ELOVL5: variants seen among roughly 807,000 people sequenced by gnomAD.
ELOVL5 encodes ELOVL fatty acid elongase 5.
In ELOVL5, 8 loss-of-function variants were observed where a neutral mutation model predicts 38.6. The ratio of observed to expected loss-of-function variants is 0.21; its 90% CI spans 0.12 to 0.37. The LOEUF is 0.37. Ranked by LOEUF, ELOVL5 falls within the 10% of genes least tolerant of loss-of-function variation. The pLI is 1.00. For synonymous variants in ELOVL5, 127 were observed against 133.7 expected, an observed-to-expected ratio of 0.95 and a Z score of 0.34; for missense variants, 280 against 367.8, an observed-to-expected ratio of 0.76 and a Z score of 1.95.
At chr6:53,269,546 A>G (rs900932233) in intron 7 of ELOVL5, among the ~76,000 whole-genome samples, 12 of 152,102 alleles carry the variant, frequency 7.9e-5, no homozygotes, top group Non-Finnish European at 1.6e-4. Context: ...TTCAATTTAC[A>G]CTTTGCTTTG....
chr6:53,338,200 A>G (rs966402572), intron 1 of ELOVL5, among the ~76,000 whole-genome samples: 3 of 152,190 alleles, frequency 2.0e-5, no homozygotes, highest in Non-Finnish European at 4.4e-5. Flanking sequence ...TACATTTTAA[A>G]TTTAATACGC....
At chr6:53,310,600 TTTG>T (rs1242135289) in intron 1 of ELOVL5, among the ~76,000 whole-genome samples, 1 of 152,176 alleles carries the variant, frequency 6.6e-6, no homozygotes, top group Admixed American at 6.5e-5. Context: ...AGTTGATTTT[TTTG>T]TTGATGTTGT....
At chr6:53,322,568 G>T (rs1768343133) in intron 1 of ELOVL5, among the ~76,000 whole-genome samples, 1 of 152,162 alleles carries the variant, frequency 6.6e-6, no homozygotes, top group Non-Finnish European at 1.5e-5. Context: ...CCTCTTGCCT[G>T]CACTTTTCGG....
chr6:53,305,542 A>G (rs1360214705), intron 1 of ELOVL5, among the ~76,000 whole-genome samples: 1 of 139,198 alleles, frequency 7.2e-6, no homozygotes, highest in East Asian at 2.3e-4. Flanking sequence ...CCGGGCAGAG[A>G]CGCTCCTCAC....
chr6:53,284,502 A>G (rs1361512513), intron 3 of ELOVL5, among the ~76,000 whole-genome samples: 1 of 152,216 alleles, frequency 6.6e-6, no homozygotes, highest in Non-Finnish European at 1.5e-5. Context: ...TAACTTTTGA[A>G]TAAGTACAAT....
rs527238851 is a variant in ELOVL5 at position 53,307,465 on chromosome 6, C to G, written c.-8-11758G>C. ...ATGCTTAGAATAGTGTGTGGCACAG[C>G]AAGTACCGTAAAAATGTTTCTATTA... On this transcript the variant is annotated intron_variant, in intron 1 of 7. Transcript: ENST00000304434. Among the ~76,000 whole-genome samples the G allele has an allele frequency of 2.6e-5, 4 of 152,324 alleles. No individual in the cohort carries two copies. The East Asian group carries it at 7.7e-4, about 29-fold the overall frequency.
chr6:53,294,203 G>T, intron 2 of ELOVL5: 1 of 1,476,934 alleles, frequency 6.8e-7, no homozygotes, highest in South Asian at 1.4e-5. Flanking sequence ...CCGGGCACCT[G>T]ACCCGAACTC....
chr6:53,314,470 G>A (rs1366030594), intron 1 of ELOVL5, among the ~76,000 whole-genome samples: 3 of 152,200 alleles, frequency 2.0e-5, no homozygotes, highest in Non-Finnish European at 4.4e-5. Context: ...CATTCCTGGA[G>A]AAGTCAATCA....
intron 2 of ELOVL5, among the ~76,000 whole-genome samples, chr6:53,292,913 G>A (rs1323988748): frequency 6.6e-6 from 1 of 150,834 alleles, no homozygotes; most frequent in Admixed American, 6.6e-5. Flanking sequence ...AGACCTAGGC[G>A]GATCCAGAGG....
intron 1 of ELOVL5, among the ~76,000 whole-genome samples, chr6:53,320,488 A>G (rs1768258479): frequency 6.6e-6 from 1 of 151,782 alleles, no homozygotes; most frequent in Non-Finnish European, 1.5e-5. Context: ...AGCACCCACC[A>G]CCGCGCCTGG....
chr6:53,277,686 T>C (rs1341451010), intron 3 of ELOVL5: 3 of 152,268 alleles, frequency 2.0e-5, no homozygotes, highest in Non-Finnish European at 4.4e-5. Flanking sequence ...TTCTGTCTTC[T>C]ACTACTCTCT....
chr6:53,347,381 T>A (rs1465319868), intron 1 of ELOVL5, among the ~76,000 whole-genome samples: 7 of 152,178 alleles, frequency 4.6e-5, no homozygotes, highest in Non-Finnish European at 7.3e-5. Context: ...AACCCACTTG[T>A]CCCCAATCAC....
intron 6 of ELOVL5, among the ~76,000 whole-genome samples, chr6:53,272,335 C>T (rs1262547255): frequency 6.6e-6 from 1 of 152,112 alleles, no homozygotes; most frequent in African/African-American, 2.4e-5. Context: ...CAGGGCCTCA[C>T]TATGTTCCCC....
At chr6:53,327,292 A>C (rs528179332) in intron 1 of ELOVL5, among the ~76,000 whole-genome samples, 18 of 152,126 alleles carry the variant, frequency 1.2e-4, no homozygotes, top group Admixed American at 3.3e-4. Context: ...TCCAACAAGC[A>C]GAATTGATGG....
At chr6:53,342,985 A>T (rs61736359) in intron 1 of ELOVL5, among the ~76,000 whole-genome samples, 145 of 152,332 alleles carry the variant, frequency 9.5e-4, no homozygotes, top group African/African-American at 3.3e-3. Flanking sequence ...ACCATGGAGC[A>T]AACACGCCAG....
intron 1 of ELOVL5, among the ~76,000 whole-genome samples, chr6:53,315,748 C>T (rs1047333665): frequency 3.9e-5 from 6 of 152,132 alleles, no homozygotes; most frequent in East Asian, 3.9e-4. Flanking sequence ...TTTACAGGGT[C>T]GCCCAAATCC....
chr6:53,344,416 T>C (rs1033506085), intron 1 of ELOVL5, among the ~76,000 whole-genome samples: 1 of 152,194 alleles, frequency 6.6e-6, no homozygotes, highest in African/African-American at 2.4e-5. Context: ...CCCACAACAA[T>C]CCACCCTACA....
At chr6:53,340,874 CA>C (rs1011755859) in intron 1 of ELOVL5, among the ~76,000 whole-genome samples, 7 of 152,312 alleles carry the variant, frequency 4.6e-5, no homozygotes, top group Admixed American at 4.6e-4. Context: ...GGAGATCAGG[CA>C]ATCTGGAGAT....
intron 2 of ELOVL5, 26 bp from the exon 3 acceptor site, chr6:53,291,989 T>C (rs1262133280): frequency 2.9e-6 from 4 of 1,393,580 alleles, no homozygotes; most frequent in African/African-American, 1.5e-5. Context: ...AAATTAATGA[T>C]ATATAAAAAC....
Sources: allele counts gnomAD v4.1 joint callset (sites outside exome capture counted in the v4.1 genomes callset), GRCh38; gene constraint gnomAD v4.1.1; transcripts MANE v1.5; gene names NCBI Gene and HGNC (gene_info 2026-07-23, HGNC 2026-07-21).